ADAMTS19: variants seen among roughly 807,000 people sequenced by gnomAD.
The protein encoded by ADAMTS19 is ADAM metallopeptidase with thrombospondin type 1 motif 19.
A neutral mutation model predicts 153.3 loss-of-function variants in ADAMTS19; 93 were observed. The ratio of observed to expected loss-of-function variants is 0.61; its 90% CI spans 0.51 to 0.72. ADAMTS19 has a LOEUF of 0.72. Among genes scored for constraint, ADAMTS19 ranks in the 30% least tolerant of loss-of-function variants. The pLI is 0.00. For synonymous variants in ADAMTS19, 600 were observed against 556.6 expected, an observed-to-expected ratio of 1.08 and a Z score of -1.10; for missense variants, 1,482 against 1,552.1, an observed-to-expected ratio of 0.95 and a Z score of 0.76.
intron 7 of ADAMTS19, among the ~76,000 whole-genome samples, chr5:129,591,450 G>A (rs1253708409): frequency 6.6e-6 from 1 of 151,628 alleles, no homozygotes; most frequent in East Asian, 1.9e-4. Context: ...GCACCACCAC[G>A]CCTGGTTAAT....
chr5:129,551,744 G>T, intron 6 of ADAMTS19, 120 bp from the exon 7 acceptor site: 2 of 593,756 alleles, frequency 3.4e-6, no homozygotes, highest in Non-Finnish European at 5.9e-6. Context: ...AGTTTTATTA[G>T]ATTCTTGGAG....
At chr5:129,533,325 A>G (rs117667288) in intron 6 of ADAMTS19, among the ~76,000 whole-genome samples, 2 of 152,162 alleles carry the variant, frequency 1.3e-5, no homozygotes, top group African/African-American at 4.8e-5. Flanking sequence ...ACATTTGTCA[A>G]AATTCACCAA....
Position 129,602,826 on chromosome 5 carries a change from C to G in ADAMTS19, c.1478+6162C>G, listed in dbSNP as rs1036845484. 2.2e-3 allele frequency among the ~76,000 whole-genome samples: 320 copies of G among 146,716 alleles called. 3 individuals carry two copies. The highest frequency in any genetic ancestry group is 6.7e-3 in the African/African-American group (269 of 40,004). On this transcript the variant is annotated intron_variant, in intron 8 of 22. Transcript: ENST00000274487. ...TTTTTGTATTGTTGTCTTATATTCT[C>G]TGTGTGTGTGTGTGTGTGTGTGTGT...
intron 16 of ADAMTS19, among the ~76,000 whole-genome samples, chr5:129,676,104 C>T (rs916889389): frequency 1.3e-5 from 2 of 152,096 alleles, no homozygotes; most frequent in African/African-American, 4.8e-5. Context: ...TCCTGGACCT[C>T]TTTTTATTGG....
At chr5:129,613,841 T>C (rs148108738) in intron 8 of ADAMTS19, among the ~76,000 whole-genome samples, 2,777 of 152,128 alleles carry the variant, frequency 0.018, 74 homozygotes, top group African/African-American at 0.063. Flanking sequence ...CAATAAAAAA[T>C]GATAAAGGGG....
At chr5:129,670,420 C>T (rs961863464) in intron 16 of ADAMTS19, among the ~76,000 whole-genome samples, 1 of 152,086 alleles carries the variant, frequency 6.6e-6, no homozygotes, top group Non-Finnish European at 1.5e-5. Flanking sequence ...CTCAGAATAC[C>T]TCTATGAAGT....
intron 3 of ADAMTS19, among the ~76,000 whole-genome samples, chr5:129,517,515 T>C (rs956579330): frequency 2.6e-5 from 4 of 152,034 alleles, no homozygotes; most frequent in Admixed American, 1.3e-4. Flanking sequence ...TCTTGTTGAA[T>C]GGACTCCTTT....
At chr5:129,548,790 C>T (rs1032729904) in intron 6 of ADAMTS19, among the ~76,000 whole-genome samples, 24 of 151,522 alleles carry the variant, frequency 1.6e-4, no homozygotes, top group Non-Finnish European at 2.4e-4. Context: ...TGTCCAACAA[C>T]GATAGACTGG....
chr5:129,577,908 C>T (rs1167276274), intron 7 of ADAMTS19, among the ~76,000 whole-genome samples: 5 of 151,542 alleles, frequency 3.3e-5, no homozygotes, highest in Admixed American at 6.6e-5. Context: ...CATGTTTTTG[C>T]CAACTTTCTT....
At chr5:129,477,989 A>T (rs1327243014) in intron 2 of ADAMTS19, among the ~76,000 whole-genome samples, 1 of 152,120 alleles carries the variant, frequency 6.6e-6, no homozygotes, top group Non-Finnish European at 1.5e-5. Flanking sequence ...AGCCTTAGAG[A>T]GTTAAAAAAA....
At position 129,608,116 on chromosome 5, in the gene ADAMTS19, G is replaced by GTGTGTATATATA. The variant is rs377008786; in HGVS notation, c.1478+11453_1478+11454insGTGTATATATAT. ...TGTGTGTGTGTGTGTGTGTGTGTGT[G>GTGTGTATATATA]TATATATATATATATATATATATAA... is the stretch of plus-strand genomic sequence containing the variant. On this transcript the variant is annotated intron_variant, in intron 8 of 22. Transcript: ENST00000274487. 3.7e-3 allele frequency among the ~76,000 whole-genome samples: 176 copies of GTGTGTATATATA among 47,926 alleles called. 3 individuals are homozygous for GTGTGTATATATA. Among genetic ancestry groups the GTGTGTATATATA allele is most frequent in the Non-Finnish European group, 4.4e-3 (88 of 20,108 alleles). 31.4% of individuals were successfully genotyped at this position (47,926 alleles called of 152,430 possible).
chr5:129,672,879 A>G (rs1754370828), intron 16 of ADAMTS19, among the ~76,000 whole-genome samples: 1 of 152,060 alleles, frequency 6.6e-6, no homozygotes, highest in East Asian at 1.9e-4. Context: ...TATGTTTTAT[A>G]TATATATGGC....
intron 10 of ADAMTS19, among the ~76,000 whole-genome samples, chr5:129,638,704 A>T (rs1005380706): frequency 2.0e-5 from 3 of 152,152 alleles, no homozygotes; most frequent in Non-Finnish European, 2.9e-5. Context: ...TAAGTTATTG[A>T]AAATGTATTG....
intron 21 of ADAMTS19, among the ~76,000 whole-genome samples, chr5:129,733,227 C>A (rs909878799): frequency 6.6e-6 from 1 of 151,936 alleles, no homozygotes; most frequent in Non-Finnish European, 1.5e-5. Context: ...AAAGAAAATG[C>A]TTTTGGACTT....
chr5:129,508,179 G>A (rs1277192942), intron 2 of ADAMTS19, among the ~76,000 whole-genome samples: 1 of 151,838 alleles, frequency 6.6e-6, no homozygotes, highest in East Asian at 1.9e-4. Context: ...TTGGGTATTA[G>A]TAATACAGGT....
Position 129,596,619 on chromosome 5 carries a change from A to G in ADAMTS19, c.1433A>G (p.Asn478Ser), listed in dbSNP as rs1750390922. Reference protein sequence around the residue: ...EKRKCIIAEDNGLNLAFTIAH... With the variant: ...EKRKCIIAEDSGLNLAFTIAH... ...AGAAAATGTATTATTGCTGAAGACAATGGCTTGAATCTTGCTTTTACAATT... is the reference window on the plus strand; with the variant it reads ...AGAAAATGTATTATTGCTGAAGACAGTGGCTTGAATCTTGCTTTTACAATT... Residue 478 changes from asparagine (N) to serine (S), a missense_variant, in exon 8 of 23, where the codon AAT becomes AGT. Around this residue, in one of 2 missense-constraint regions of ADAMTS19, gnomAD observed 866 missense variants for 827.7 expected, o/e 1.05. Coordinates refer to ENST00000274487, the MANE Select transcript of ADAMTS19 (RefSeq NM_133638.6). The G allele has an allele frequency of 1.2e-6, 2 of 1,608,666 alleles. No individual in the cohort carries two copies. Among genetic ancestry groups the G allele is most frequent in the African/African-American group, 1.3e-5 (1 of 74,792 alleles).
At chr5:129,550,027 T>A (rs1753028690) in intron 6 of ADAMTS19, among the ~76,000 whole-genome samples, 1 of 128,070 alleles carries the variant, frequency 7.8e-6, no homozygotes, top group African/African-American at 2.8e-5. Flanking sequence ...TATATGTATA[T>A]CTAGATATAC....
At chr5:129,713,728 T>C (rs1756584408) in intron 21 of ADAMTS19, among the ~76,000 whole-genome samples, 1 of 151,074 alleles carries the variant, frequency 6.6e-6, no homozygotes, top group Non-Finnish European at 1.5e-5. Flanking sequence ...GCCACTGCAC[T>C]CTAGCCTGGG....
At chr5:129,462,797 T>A (rs529673728) in intron 2 of ADAMTS19, among the ~76,000 whole-genome samples, 1 of 152,286 alleles carries the variant, frequency 6.6e-6, no homozygotes, top group African/African-American at 2.4e-5. Flanking sequence ...ATATCAAAAA[T>A]GCACTTGTGA....
Sources: gnomAD v4.1 joint callset for allele counts (sites outside exome capture counted in the v4.1 genomes callset) on GRCh38, gnomAD v4.1.1 for gene constraint, gnomAD v4.1.1 regional missense constraint, MANE v1.5 for transcripts, NCBI Gene and HGNC (gene_info 2026-07-23, HGNC 2026-07-21) for gene names.